Variants in BNC2 observed in about 807,000 individuals in gnomAD.
BNC2 encodes the protein basonuclin zinc finger protein 2, also known as zinc finger protein basonuclin-2.
Under a neutral mutation model 76.3 loss-of-function variants are expected in BNC2, and 20 were observed. The observed-to-expected ratio is 0.26, with a 90% CI of 0.18 to 0.38. The LOEUF (loss-of-function observed/expected upper bound fraction) is 0.38. Among genes scored for constraint, BNC2 ranks in the 10% least tolerant of loss-of-function variants. BNC2 has a pLI of 1.00. For synonymous variants in BNC2, 582 were observed against 514.8 expected, an observed-to-expected ratio of 1.13 and a Z score of -1.77; for missense variants, 1,382 against 1,399.8, an observed-to-expected ratio of 0.99 and a Z score of 0.20.
At chr9:16,603,459 C>T (rs988302681) in intron 3 of BNC2, among the ~76,000 whole-genome samples, 3 of 152,178 alleles carry the variant, frequency 2.0e-5, no homozygotes, top group Non-Finnish European at 4.4e-5. Context: ...CAGGTTCACC[C>T]TAACATCACA....
At chr9:16,649,136 G>A in intron 3 of BNC2, among the ~76,000 whole-genome samples, 1 of 151,878 alleles carries the variant, frequency 6.6e-6, no homozygotes, top group South Asian at 2.1e-4. Context: ...CGCACATCAA[G>A]TGAAAGAGAA....
At chr9:16,809,762 G>T (rs1251099938) in intron 1 of BNC2, among the ~76,000 whole-genome samples, 1 of 151,956 alleles carries the variant, frequency 6.6e-6, no homozygotes, top group Non-Finnish European at 1.5e-5. Flanking sequence ...TGGCGACAGT[G>T]CAAGACTCTG....
At chr9:16,693,503 G>A (rs960330175) in intron 3 of BNC2, among the ~76,000 whole-genome samples, 2 of 152,246 alleles carry the variant, frequency 1.3e-5, no homozygotes, top group Middle Eastern at 3.4e-3. Context: ...ACTGGAGGTG[G>A]AGTCCCTCAC....
At chr9:16,682,043 G>C (rs908191860) in intron 3 of BNC2, among the ~76,000 whole-genome samples, 1 of 151,978 alleles carries the variant, frequency 6.6e-6, no homozygotes, top group African/African-American at 2.4e-5. Context: ...AAAAAAAAGA[G>C]AGAGTGAACT....
At chr9:16,614,948 T>C (rs568026939) in intron 3 of BNC2, among the ~76,000 whole-genome samples, 3 of 97,842 alleles carry the variant, frequency 3.1e-5, no homozygotes, top group East Asian at 6.7e-4. Flanking sequence ...AGAGTGAGAC[T>C]CTGTCTCTTT....
intron 2 of BNC2, among the ~76,000 whole-genome samples, chr9:16,728,485 CAT>C (rs1244996731): frequency 6.6e-6 from 1 of 152,154 alleles, no homozygotes; most frequent in African/African-American, 2.4e-5. Flanking sequence ...TGATATAACA[CAT>C]AATATCTGAC....
chr9:16,752,432 G>A (rs1053161008), intron 1 of BNC2, among the ~76,000 whole-genome samples: 5 of 152,166 alleles, frequency 3.3e-5, no homozygotes, highest in Admixed American at 6.6e-5. Context: ...AATGTGTTTG[G>A]GCGGCAGTAG....
At chr9:16,844,493 CTTTTTTTTTTT>C (rs67281132) in intron 1 of BNC2, among the ~76,000 whole-genome samples, 1 of 103,368 alleles carries the variant, frequency 9.7e-6, no homozygotes, top group Non-Finnish European at 1.9e-5. Context: ...TTTTTCTTTT[CTTTTTTTTTTT>C]TTTTTTTTTT....
At chr9:16,782,671 G>A (rs1339206269) in intron 1 of BNC2, among the ~76,000 whole-genome samples, 9 of 152,128 alleles carry the variant, frequency 5.9e-5, no homozygotes, top group Non-Finnish European at 1.2e-4. Flanking sequence ...ATGTGCCGAT[G>A]GAACTCTGGG....
intron 3 of BNC2, among the ~76,000 whole-genome samples, chr9:16,635,301 T>G (rs1235635402): frequency 6.6e-6 from 1 of 152,232 alleles, no homozygotes; most frequent in African/African-American, 2.4e-5. Flanking sequence ...CACTAGTAGG[T>G]TAACAGTGCT....
intron 1 of BNC2, among the ~76,000 whole-genome samples, chr9:16,812,457 G>A (rs1818076761): frequency 6.6e-6 from 1 of 152,192 alleles, no homozygotes; most frequent in South Asian, 2.1e-4. Flanking sequence ...TGTTCCCCAA[G>A]CTCGAGGTGC....
intron 1 of BNC2, among the ~76,000 whole-genome samples, chr9:16,845,578 G>A (rs747157677): frequency 1.8e-4 from 28 of 151,666 alleles, no homozygotes; most frequent in South Asian, 1.0e-3. Flanking sequence ...AAAATTAGCC[G>A]GGTGTAGCGG....
chr9:16,523,348 G>A (rs1472558308), intron 5 of BNC2, among the ~76,000 whole-genome samples: 2 of 151,806 alleles, frequency 1.3e-5, no homozygotes, highest in Non-Finnish European at 2.9e-5. Context: ...GCAGGCGCCT[G>A]TGGTCCCAGC....
chr9:16,825,291 C>A (rs1328606643), intron 1 of BNC2, among the ~76,000 whole-genome samples: 2 of 152,160 alleles, frequency 1.3e-5, no homozygotes, highest in Non-Finnish European at 2.9e-5. Context: ...AAAGCCATTT[C>A]ATCTGAAAAT....
chr9:16,548,405 G>GTT (rs201084701), intron 5 of BNC2, among the ~76,000 whole-genome samples: 2 of 143,826 alleles, frequency 1.4e-5, no homozygotes, highest in Non-Finnish European at 1.5e-5. Context: ...CTTCTTCTTC[G>GTT]TTTTTTTTTT....
In BNC2 at chr9:16,554,643, G is replaced by T. The variant is rs541810956; in HGVS notation, c.434-1878C>A. Among the ~76,000 whole-genome samples the T allele has an allele frequency of 8.5e-5, 13 of 152,226 alleles. No homozygotes were observed. In the South Asian group the frequency reaches 2.5e-3, roughly 29 times the overall value. On this transcript the variant is annotated intron_variant, in intron 4 of 6. Transcript: ENST00000380672. ...ATTTAGACTGCAAAAAAGCAGGGATGGGGTATTACTATCCCTGTTCTTCTT... is the reference window on the plus strand; with the variant it reads ...ATTTAGACTGCAAAAAAGCAGGGATTGGGTATTACTATCCCTGTTCTTCTT...
chr9:16,447,554 C>T (rs936654243), intron 5 of BNC2, among the ~76,000 whole-genome samples: 4 of 151,998 alleles, frequency 2.6e-5, no homozygotes, highest in South Asian at 2.1e-4. Context: ...CCTGTATTAT[C>T]GTATATTCTG....
rs113777392 is a variant in BNC2 at position 16,418,899 on chromosome 9, A to ACACACACACACC, written c.*89_*90insGGTGTGTGTGTG. The ACACACACACACC allele has an allele frequency of 1.2e-5, 17 of 1,401,372 alleles. No homozygotes were observed. In the African/African-American group the frequency reaches 2.2e-4, roughly 18 times the overall value. 86.8% of individuals were successfully genotyped at this position (1,401,372 alleles called of 1,614,324 possible). ...CACACACACACACACACACACACAC[A>ACACACACACACC]CCCCAAGTACATAAGCGCACACTGA... On this transcript the variant is annotated 3_prime_UTR_variant, in exon 7 of 7. Transcript: ENST00000380672.
chr9:16,609,726 A>G (rs1472759377), intron 3 of BNC2, among the ~76,000 whole-genome samples: 2 of 152,164 alleles, frequency 1.3e-5, no homozygotes, highest in African/African-American at 2.4e-5. Flanking sequence ...ATCTCAAGAA[A>G]GGTCTTCTCT....
Sources: allele counts gnomAD v4.1 joint callset (sites outside exome capture counted in the v4.1 genomes callset), GRCh38; gene constraint gnomAD v4.1.1; transcripts MANE v1.5; gene names NCBI Gene and HGNC (gene_info 2026-07-23, HGNC 2026-07-21).